Variants in ATP2B1 observed in about 807,000 individuals in gnomAD.
ATP2B1 encodes the protein plasma membrane calcium-transporting ATPase 1.
In ATP2B1, 14 loss-of-function variants were observed where a neutral mutation model predicts 124.2. That is an observed-to-expected ratio of 0.11 (90% CI 0.07 to 0.18). The LOEUF (loss-of-function observed/expected upper bound fraction) is 0.18. Ranked by LOEUF, ATP2B1 falls within the 10% of genes least tolerant of loss-of-function variation. ATP2B1 has a pLI of 1.00. For missense variants in ATP2B1, 763 were observed against 1,466.1 expected (o/e 0.52, Z 7.83); for synonymous variants, 449 against 492.4 (o/e 0.91, Z 1.17).
At chr12:89,644,666 GT>G (rs1319671621) in intron 2 of ATP2B1, among the ~76,000 whole-genome samples, 1 of 152,052 alleles carries the variant, frequency 6.6e-6, no homozygotes, top group East Asian at 1.9e-4. Context: ...CTATGCGTAG[GT>G]TTGTCTTGTC....
chr12:89,636,229 GA>G (rs1304004833), intron 3 of ATP2B1, among the ~76,000 whole-genome samples: 7 of 151,976 alleles, frequency 4.6e-5, no homozygotes, highest in African/African-American at 1.7e-4. Context: ...GGGAGGTGGG[GA>G]GGGGGGAGAG....
At chr12:89,610,100 C>T (rs1232316207) in intron 14 of ATP2B1, 57 bp from the exon 15 acceptor site, 2 of 1,455,722 alleles carry the variant, frequency 1.4e-6, no homozygotes, top group Non-Finnish European at 1.9e-6. Flanking sequence ...TAAGATGATT[C>T]TGAAGAATAT....
intron 1 of ATP2B1, among the ~76,000 whole-genome samples, chr12:89,696,350 T>C (rs910113440): frequency 1.3e-5 from 2 of 152,046 alleles, no homozygotes; most frequent in African/African-American, 4.8e-5. Flanking sequence ...GAAACAATCA[T>C]AAATGAAGAC....
chr12:89,625,799 A>G (rs893988046), intron 8 of ATP2B1, among the ~76,000 whole-genome samples: 4 of 152,156 alleles, frequency 2.6e-5, no homozygotes, highest in African/African-American at 9.7e-5. Context: ...TGTACTGAGG[A>G]CAGAAGCAAA....
At chr12:89,636,724 A>G (rs949996798) in intron 3 of ATP2B1, among the ~76,000 whole-genome samples, 1 of 152,170 alleles carries the variant, frequency 6.6e-6, no homozygotes, top group African/African-American at 2.4e-5. Flanking sequence ...GATGAAATGG[A>G]AGACTTGACG....
At chr12:89,635,274 C>A in intron 3 of ATP2B1, 23 bp from the exon 4 acceptor site, 2 of 1,599,920 alleles carry the variant, frequency 1.3e-6, no homozygotes, top group South Asian at 2.2e-5. Context: ...AAAGAAAATG[C>A]TTATCAAAAA....
At chr12:89,607,611 G>T (rs1197439529) in intron 15 of ATP2B1, among the ~76,000 whole-genome samples, 1 of 152,150 alleles carries the variant, frequency 6.6e-6, no homozygotes, top group East Asian at 1.9e-4. Context: ...TACCATAGAT[G>T]TATTTGATTA....
intron 3 of ATP2B1, among the ~76,000 whole-genome samples, chr12:89,635,566 A>T (rs1882561522): frequency 1.3e-5 from 2 of 152,170 alleles, no homozygotes; most frequent in Non-Finnish European, 2.9e-5. Flanking sequence ...CTTCATCGTC[A>T]AATTATGATA....
chr12:89,607,709 A>G (rs1877190351), intron 15 of ATP2B1, among the ~76,000 whole-genome samples: 1 of 152,204 alleles, frequency 6.6e-6, no homozygotes, highest in Non-Finnish European at 1.5e-5. Context: ...ATTTCATGTG[A>G]CAAGGATTCT....
intron 18 of ATP2B1, among the ~76,000 whole-genome samples, chr12:89,602,043 G>A (rs1243484514): frequency 6.6e-6 from 1 of 152,192 alleles, no homozygotes. Flanking sequence ...TTTATGAAAA[G>A]AGTGAGGTCT....
In ATP2B1 at chr12:89,635,110, C is replaced by T; in HGVS notation, c.548G>A (p.Gly183Asp). ...TTCTTGTTCAATTCGGCTCTGCAAACCTCTAAACTGTTTTTCCTTACTCCA... is the reference window on the plus strand; with the variant it reads ...TTCTTGTTCAATTCGGCTCTGCAAATCTCTAAACTGTTTTTCCTTACTCCA... Reference protein sequence around the residue: ...NDWSKEKQFRGLQSRIEQEQK... With the variant: ...NDWSKEKQFRDLQSRIEQEQK... The change falls in exon 4 of 21, where the codon GGT becomes GAT. Residue 183 changes from glycine to aspartate, a missense_variant. Physicochemically the swap from Gly to Asp is moderately conservative, Grantham distance 94. Around this residue, in one of 7 missense-constraint regions of ATP2B1, gnomAD observed 392 missense variants for 776.6 expected, o/e 0.50. Transcript: ENST00000428670. 6.2e-7 allele frequency: 1 copy of T among 1,613,910 alleles called. No homozygotes were observed. The highest frequency in any genetic ancestry group is 8.5e-7 in the Non-Finnish European group (1 of 1,179,886).
At chr12:89,683,262 T>C (rs61445735) in intron 1 of ATP2B1, among the ~76,000 whole-genome samples, 2,479 of 152,290 alleles carry the variant, frequency 0.016, 62 homozygotes, top group African/African-American at 0.057. Context: ...ATTTTTCTTT[T>C]ACACAGCCAT....
At position 89,619,570 on chromosome 12, in the gene ATP2B1, C is replaced by T. The variant is rs554112617; in HGVS notation, c.1829+429G>A. On this transcript the variant is annotated intron_variant, in intron 11 of 20. Transcript: ENST00000428670. ...AGGGTGAAGTGAGCTGAGATCGCGC[C>T]ACTGCACTCCAGCCTGGGTGATACA... is the stretch of plus-strand genomic sequence containing the variant. 3.4e-4 allele frequency among the ~76,000 whole-genome samples: 50 copies of T among 149,184 alleles called. 3 individuals carry two copies. The South Asian group carries it at 9.9e-3, about 30-fold the overall frequency.
At chr12:89,694,535 A>G (rs1592998317) in intron 1 of ATP2B1, among the ~76,000 whole-genome samples, 1 of 152,332 alleles carries the variant, frequency 6.6e-6, no homozygotes, top group South Asian at 2.1e-4. Flanking sequence ...CCACTCGGAA[A>G]TAAGGCCTTC....
chr12:89,599,936 G>T (rs1432016281), intron 19 of ATP2B1, among the ~76,000 whole-genome samples: 1 of 152,138 alleles, frequency 6.6e-6, no homozygotes, highest in Non-Finnish European at 1.5e-5. Flanking sequence ...GGTTTATCAG[G>T]GAGAAACAAG....
intron 1 of ATP2B1, among the ~76,000 whole-genome samples, chr12:89,701,322 G>T (rs1891829698): frequency 6.6e-6 from 1 of 152,078 alleles, no homozygotes; most frequent in Admixed American, 6.5e-5. Context: ...CCTCCGGGTT[G>T]TACACTTCCC....
intron 1 of ATP2B1, among the ~76,000 whole-genome samples, chr12:89,689,238 A>G (rs1890286354): frequency 6.6e-6 from 1 of 152,098 alleles, no homozygotes; most frequent in Non-Finnish European, 1.5e-5. Flanking sequence ...TAATCAACAA[A>G]TAATTTTTTA....
chr12:89,622,355 T>C (rs1415293843), intron 9 of ATP2B1, among the ~76,000 whole-genome samples: 1 of 152,002 alleles, frequency 6.6e-6, no homozygotes, highest in East Asian at 1.9e-4. Context: ...GAATGAGTCA[T>C]TTTTTAGCTA....
At chr12:89,660,183 T>C (rs1886532446) in intron 1 of ATP2B1, among the ~76,000 whole-genome samples, 1 of 152,178 alleles carries the variant, frequency 6.6e-6, no homozygotes, top group South Asian at 2.1e-4. Context: ...TAACGCACTG[T>C]TGGGTTCCTA....
Sources: allele counts gnomAD v4.1 joint callset (sites outside exome capture counted in the v4.1 genomes callset), GRCh38; gene constraint gnomAD v4.1.1; regional missense constraint gnomAD v4.1.1; transcripts MANE v1.5; gene names NCBI Gene and HGNC (gene_info 2026-07-23, HGNC 2026-07-21).